EPHA6: variants seen among roughly 807,000 people sequenced by gnomAD.
EPHA6 encodes EPH receptor A6.
EPHA6 carries 50 observed loss-of-function variants against 112.0 expected under a neutral mutation model. The observed-to-expected ratio is 0.45, with a 90% CI of 0.36 to 0.56. The LOEUF (loss-of-function observed/expected upper bound fraction) is 0.56, where lower values mean the gene tolerates loss of function less well. Ranked by LOEUF, EPHA6 falls within the 20% of genes least tolerant of loss-of-function variation. The pLI is 0.00. For synonymous variants in EPHA6, 529 were observed against 490.7 expected (o/e 1.08, Z -1.03); for missense variants, 1,280 against 1,417.4 (o/e 0.90, Z 1.56).
chr3:97,712,928 A>C (rs1307488415), intron 14 of EPHA6, among the ~76,000 whole-genome samples: 2 of 152,232 alleles, frequency 1.3e-5, no homozygotes, highest in African/African-American at 4.8e-5. Flanking sequence ...TTTTTTAGCA[A>C]GTAGAAAACA....
intron 10 of EPHA6, among the ~76,000 whole-genome samples, chr3:97,501,929 G>A (rs1316341335): frequency 6.6e-6 from 1 of 151,936 alleles, no homozygotes; most frequent in Non-Finnish European, 1.5e-5. Context: ...AAAGAGGCTG[G>A]CAAGTCCAGT....
At chr3:97,039,462 G>T (rs929965125) in intron 3 of EPHA6, among the ~76,000 whole-genome samples, 2 of 151,952 alleles carry the variant, frequency 1.3e-5, no homozygotes, top group Non-Finnish European at 2.9e-5. Context: ...AGAATGAATG[G>T]GAAATGAAGA....
chr3:97,510,279 T>C (rs547180224), intron 10 of EPHA6, among the ~76,000 whole-genome samples: 7 of 152,240 alleles, frequency 4.6e-5, no homozygotes, highest in Non-Finnish European at 1.0e-4. Flanking sequence ...CTCTAGTTTT[T>C]GGAATTTTCA....
At chr3:96,820,815 C>T (rs1184663997) in intron 1 of EPHA6, among the ~76,000 whole-genome samples, 1 of 151,836 alleles carries the variant, frequency 6.6e-6, no homozygotes, top group Non-Finnish European at 1.5e-5. Context: ...TTTTTGTCAG[C>T]GAACGACTGT....
chr3:97,337,862 C>G (rs2108847409), intron 5 of EPHA6, among the ~76,000 whole-genome samples: 1 of 152,230 alleles, frequency 6.6e-6, no homozygotes, highest in Non-Finnish European at 1.5e-5. Flanking sequence ...TATCAAGTCA[C>G]TTACTCCTTT....
At position 96,930,637 on chromosome 3, in the gene EPHA6, C is replaced by T. The variant is rs547019441; in HGVS notation, c.451-56693C>T. Among the ~76,000 whole-genome samples the T allele has an allele frequency of 1.8e-3, 271 of 152,082 alleles. 1 individual carries two copies. Among genetic ancestry groups the T allele is most frequent in the Non-Finnish European group, 2.8e-3 (189 of 67,960 alleles). On this transcript the variant is annotated intron_variant, in intron 2 of 17. Transcript: ENST00000389672. Reference sequence around the variant, plus strand: ...CCTGAACATGCCTGTAGGAGGTGGCCGGAGACCCGAACTGGGAGGCCTCAC... The same window carrying T: ...CCTGAACATGCCTGTAGGAGGTGGCTGGAGACCCGAACTGGGAGGCCTCAC...
At chr3:97,237,651 T>A (rs1351923522) in intron 4 of EPHA6, among the ~76,000 whole-genome samples, 1 of 152,072 alleles carries the variant, frequency 6.6e-6, no homozygotes, top group Non-Finnish European at 1.5e-5. Context: ...GTTGCTACAA[T>A]GTTATGCATT....
At chr3:96,939,953 C>T (rs544051289) in intron 2 of EPHA6, among the ~76,000 whole-genome samples, 1 of 152,124 alleles carries the variant, frequency 6.6e-6, no homozygotes, top group African/African-American at 2.4e-5. Context: ...TTTGATTGCA[C>T]TGTGGTCTGA....
intron 11 of EPHA6, among the ~76,000 whole-genome samples, chr3:97,574,938 G>T (rs908404324): frequency 1.3e-5 from 2 of 151,884 alleles, no homozygotes; most frequent in Non-Finnish European, 2.9e-5. Context: ...GGGTGATGGG[G>T]TCACTGCAAG....
intron 9 of EPHA6, among the ~76,000 whole-genome samples, chr3:97,481,684 CGCA>C (rs2091556811): frequency 6.6e-6 from 1 of 150,828 alleles, no homozygotes; most frequent in African/African-American, 2.5e-5. Context: ...GGCCCCGCCC[CGCA>C]CCGCCCCGGC....
intron 3 of EPHA6, among the ~76,000 whole-genome samples, chr3:97,219,835 C>A (rs139713218): frequency 6.6e-6 from 1 of 152,182 alleles, no homozygotes; most frequent in Non-Finnish European, 1.5e-5. Flanking sequence ...CATCAGGTTG[C>A]AAATTTTCCA....
At chr3:96,891,536 C>T (rs780662471) in intron 2 of EPHA6, among the ~76,000 whole-genome samples, 3 of 152,026 alleles carry the variant, frequency 2.0e-5, no homozygotes, top group Non-Finnish European at 2.9e-5. Context: ...TGGTGAAACC[C>T]TGTCTCTACT....
At position 97,625,808 on chromosome 3, in the gene EPHA6, G is replaced by A. The variant is rs370610498; in HGVS notation, c.2575-12065G>A. 4.4e-4 allele frequency among the ~76,000 whole-genome samples: 67 copies of A among 151,688 alleles called. No individual in the cohort carries two copies. The South Asian group carries it at 0.013, about 30-fold the overall frequency. ...AGAAGAAGGGACCATTTAAAAACTT[G>A]ATAAAACAAAAGATTTAAGGAGATG... is the stretch of plus-strand genomic sequence containing the variant. On this transcript the variant is annotated intron_variant, in intron 13 of 17. Coordinates refer to ENST00000389672, the MANE Select transcript of EPHA6 (RefSeq NM_001080448.3).
chr3:97,597,361 T>C (rs1046543691), intron 12 of EPHA6, among the ~76,000 whole-genome samples: 3 of 152,164 alleles, frequency 2.0e-5, no homozygotes, highest in Non-Finnish European at 4.4e-5. Flanking sequence ...TGTCTGCTGC[T>C]CTGAATCAAA....
At position 97,220,578 on chromosome 3, in the gene EPHA6, A is replaced by C. The variant is rs563354968; in HGVS notation, c.1115-5686A>C. 3.9e-5 allele frequency among the ~76,000 whole-genome samples: 6 copies of C among 152,306 alleles called. No homozygotes were observed. In the East Asian group the frequency reaches 1.2e-3, roughly 29 times the overall value. On this transcript the variant is annotated intron_variant, in intron 3 of 17. Coordinates refer to ENST00000389672, the MANE Select transcript of EPHA6 (RefSeq NM_001080448.3). ...TCTTCACAAGGCAAGAGGAAGGAGAATTGCCTAGAGAAGGGGGAAGAGCCT... is the reference window on the plus strand; with the variant it reads ...TCTTCACAAGGCAAGAGGAAGGAGACTTGCCTAGAGAAGGGGGAAGAGCCT...
intron 5 of EPHA6, among the ~76,000 whole-genome samples, chr3:97,381,740 A>G (rs1375981517): frequency 6.6e-6 from 1 of 152,104 alleles, no homozygotes; most frequent in Non-Finnish European, 1.5e-5. Flanking sequence ...TGACTTAAAA[A>G]TGTTAGAGGT....
chr3:96,996,050 A>G (rs2043408099), intron 3 of EPHA6, among the ~76,000 whole-genome samples: 1 of 152,166 alleles, frequency 6.6e-6, no homozygotes, highest in Non-Finnish European at 1.5e-5. Flanking sequence ...TGCTTTATCA[A>G]CTAAGTTGAA....
intron 2 of EPHA6, among the ~76,000 whole-genome samples, chr3:96,887,061 A>G (rs1156253445): frequency 6.6e-6 from 1 of 151,998 alleles, no homozygotes; most frequent in Non-Finnish European, 1.5e-5. Flanking sequence ...TTATTGACTA[A>G]CGTCCTGAAT....
rs191896298 is a variant in EPHA6 at position 97,465,712 on chromosome 3, G to T, written c.1895-9640G>T. On this transcript the variant is annotated intron_variant, in intron 7 of 17. Coordinates refer to ENST00000389672, the MANE Select transcript of EPHA6 (RefSeq NM_001080448.3). ...AATATACTTGGGTCCATAACGCTAA[G>T]AAAAATTGGCACCTGGCATTGTGGT... Among the ~76,000 whole-genome samples, 488 of 151,308 alleles carry T rather than the reference G, an allele frequency of 3.2e-3. 3 individuals carry two copies. Among genetic ancestry groups the T allele is most frequent in the African/African-American group, 0.011 (458 of 40,754 alleles).
Sources: allele counts gnomAD v4.1 joint callset (sites outside exome capture counted in the v4.1 genomes callset), GRCh38; gene constraint gnomAD v4.1.1; transcripts MANE v1.5; gene names NCBI Gene and HGNC (gene_info 2026-07-23, HGNC 2026-07-21).